The following SDK1 variants were observed in gnomAD, a reference collection of about 807,000 sequenced individuals.
SDK1 encodes sidekick cell adhesion molecule 1.
Under a neutral mutation model 245.5 loss-of-function variants are expected in SDK1, and 157 were observed. That is an observed-to-expected ratio of 0.64 (90% CI 0.56 to 0.73). The LOEUF (loss-of-function observed/expected upper bound fraction) is 0.73, where lower values mean the gene tolerates loss of function less well. Ranked by LOEUF, SDK1 falls within the 30% of genes least tolerant of loss-of-function variation. SDK1 has a pLI of 0.00. For synonymous variants in SDK1, 1,647 were observed against 1,278.5 expected (o/e 1.29, Z -6.15); for missense variants, 3,583 against 3,002.3 (o/e 1.19, Z -4.52).
chr7:3,543,273 T>C (rs1326932564), intron 1 of SDK1, among the ~76,000 whole-genome samples: 1 of 152,236 alleles, frequency 6.6e-6, no homozygotes, highest in African/African-American at 2.4e-5. Flanking sequence ...TTTGAAAAAA[T>C]AGATCCCATT....
intron 44 of SDK1, among the ~76,000 whole-genome samples, chr7:4,262,632 G>T (rs1462066391): frequency 6.9e-6 from 1 of 144,256 alleles, no homozygotes; most frequent in African/African-American, 2.6e-5. Flanking sequence ...CCCCACCCTC[G>T]GAGGTCTCTG....
intron 1 of SDK1, among the ~76,000 whole-genome samples, chr7:3,467,029 C>CACACACACACACACACAG (rs1288513856): frequency 1.5e-5 from 2 of 137,556 alleles, no homozygotes; most frequent in African/African-American, 5.3e-5. Context: ...CACACACACA[C>CACACACACACACACACAG]AGAGATGTAA....
intron 14 of SDK1, among the ~76,000 whole-genome samples, chr7:4,004,517 G>C (rs921770401): frequency 6.6e-6 from 1 of 152,098 alleles, no homozygotes; most frequent in African/African-American, 2.4e-5. Context: ...AATTACAACA[G>C]TTATAAAATG....
At chr7:3,939,986 C>T (rs766708518) in intron 5 of SDK1, among the ~76,000 whole-genome samples, 2 of 152,342 alleles carry the variant, frequency 1.3e-5, no homozygotes, top group South Asian at 2.1e-4. Flanking sequence ...CCTTGAGACG[C>T]GTAGGCAATG....
intron 14 of SDK1, among the ~76,000 whole-genome samples, chr7:4,008,715 GA>G (rs1785698509): frequency 1.3e-5 from 2 of 152,074 alleles, no homozygotes; most frequent in African/African-American, 4.8e-5. Flanking sequence ...AGGCAAAAAG[GA>G]AAAAAAGGGA....
chr7:3,657,738 A>T (rs1416347093), intron 4 of SDK1, among the ~76,000 whole-genome samples: 2 of 152,190 alleles, frequency 1.3e-5, no homozygotes, highest in Non-Finnish European at 2.9e-5. Context: ...GATGATGTGG[A>T]GGCACGTATG....
At chr7:3,475,168 G>A (rs974189579) in intron 1 of SDK1, among the ~76,000 whole-genome samples, 58 of 152,110 alleles carry the variant, frequency 3.8e-4, no homozygotes, top group African/African-American at 1.4e-3. Flanking sequence ...AGAAGCTGAT[G>A]ACTAGTTAGT....
chr7:4,066,283 C>G (rs1045204796), intron 19 of SDK1, among the ~76,000 whole-genome samples: 1 of 151,826 alleles, frequency 6.6e-6, no homozygotes, highest in Non-Finnish European at 1.5e-5. Context: ...GTAGGGCTCT[C>G]AATGGCAGGC....
rs146172064 is a variant in SDK1 at position 3,622,082 on chromosome 7, G to T, written c.458+2843G>T. Among the ~76,000 whole-genome samples the T allele has an allele frequency of 1.2e-3, 189 of 152,270 alleles. 2 individuals are homozygous for T. The highest frequency in any genetic ancestry group is 4.2e-3 in the African/African-American group (176 of 41,544). Reference sequence around the variant, plus strand: ...CTAGGCTAAACCGTGGTGTCTATGAGGGTAGGTATGTTAAATGCATTTTTG... The same window carrying T: ...CTAGGCTAAACCGTGGTGTCTATGATGGTAGGTATGTTAAATGCATTTTTG... On this transcript the variant is annotated intron_variant, in intron 2 of 44. Transcript: ENST00000404826.
intron 14 of SDK1, among the ~76,000 whole-genome samples, chr7:4,008,208 T>C (rs1353485311): frequency 6.6e-6 from 1 of 152,260 alleles, no homozygotes; most frequent in African/African-American, 2.4e-5. Flanking sequence ...TGTTCCGCCA[T>C]GTGTCCTAAT....
chr7:3,500,367 A>G (rs1782158964), intron 1 of SDK1, among the ~76,000 whole-genome samples: 5 of 152,106 alleles, frequency 3.3e-5, no homozygotes, highest in African/African-American at 1.2e-4. Flanking sequence ...GAGATCTTGT[A>G]AATTCAAAAA....
intron 28 of SDK1, among the ~76,000 whole-genome samples, chr7:4,144,067 A>T (rs929539124): frequency 3.4e-5 from 5 of 148,426 alleles, no homozygotes; most frequent in Non-Finnish European, 7.4e-5. Flanking sequence ...GGTCGGGGAA[A>T]CGGGAGGCCT....
chr7:3,512,054 T>C (rs1168109687), intron 1 of SDK1, among the ~76,000 whole-genome samples: 3 of 151,944 alleles, frequency 2.0e-5, no homozygotes, highest in Non-Finnish European at 4.4e-5. Flanking sequence ...GAGGTGTGTA[T>C]TCATCATCAC....
intron 38 of SDK1, among the ~76,000 whole-genome samples, chr7:4,214,492 G>A (rs530197595): frequency 5.9e-5 from 9 of 152,312 alleles, no homozygotes; most frequent in East Asian, 5.8e-4. Flanking sequence ...CTTTGCAACC[G>A]AGGCAATGTG....
intron 1 of SDK1, among the ~76,000 whole-genome samples, chr7:3,575,282 G>A (rs913191334): frequency 2.6e-5 from 4 of 151,954 alleles, no homozygotes; most frequent in African/African-American, 4.8e-5. Flanking sequence ...GAGACAGCAC[G>A]CATGAATTCT....
chr7:3,417,309 CT>C (rs1779400913), intron 1 of SDK1, among the ~76,000 whole-genome samples: 1 of 152,340 alleles, frequency 6.6e-6, no homozygotes, highest in East Asian at 1.9e-4. Flanking sequence ...TGGGCTGCCC[CT>C]GCCCACCTCT....
chr7:4,223,453 G>A (rs1785250313), intron 40 of SDK1, among the ~76,000 whole-genome samples: 1 of 152,240 alleles, frequency 6.6e-6, no homozygotes, highest in African/African-American at 2.4e-5. Flanking sequence ...TCCTGAGGCT[G>A]TGAGGGAGGA....
At chr7:3,657,260 A>C (rs1176162375) in intron 4 of SDK1, among the ~76,000 whole-genome samples, 1 of 152,174 alleles carries the variant, frequency 6.6e-6, no homozygotes, top group Non-Finnish European at 1.5e-5. Context: ...GTACAAAGAC[A>C]GGGCAAAACA....
intron 4 of SDK1, among the ~76,000 whole-genome samples, chr7:3,761,378 C>A (rs1347112124): frequency 6.9e-6 from 1 of 145,904 alleles, no homozygotes; most frequent in Non-Finnish European, 1.5e-5. Flanking sequence ...CACGGTGAAA[C>A]CCCATCTCTA....
Sources: allele counts gnomAD v4.1 joint callset (sites outside exome capture counted in the v4.1 genomes callset), GRCh38; gene constraint gnomAD v4.1.1; transcripts MANE v1.5; gene names NCBI Gene and HGNC (gene_info 2026-07-23, HGNC 2026-07-21).